Variants in PRKCA observed in about 807,000 individuals in gnomAD.
The protein encoded by PRKCA is protein kinase C alpha.
PRKCA carries 27 observed loss-of-function variants against 87.0 expected under a neutral mutation model. The observed-to-expected ratio is 0.31, with a 90% CI of 0.23 to 0.43. PRKCA has a LOEUF of 0.43. Ranked by LOEUF, PRKCA falls within the 20% of genes least tolerant of loss-of-function variation. PRKCA has a pLI of 1.00. For missense variants in PRKCA, 518 were observed against 852.3 expected (o/e 0.61, Z 4.88); for synonymous variants, 329 against 311.1 (o/e 1.06, Z -0.61).
intron 3 of PRKCA, among the ~76,000 whole-genome samples, chr17:66,626,522 C>T (rs999301587): frequency 1.5e-4 from 21 of 142,040 alleles, no homozygotes; most frequent in African/African-American, 4.1e-4. Flanking sequence ...CCACCAAGCC[C>T]GGCTAATTTT....
chr17:66,337,356 A>C (rs1370098773), intron 2 of PRKCA, among the ~76,000 whole-genome samples: 1 of 152,128 alleles, frequency 6.6e-6, no homozygotes, highest in Admixed American at 6.5e-5. Flanking sequence ...CAAGCAAGGA[A>C]ATCAAGTTTC....
At chr17:66,770,903 A>G (rs1308561303) in intron 13 of PRKCA, among the ~76,000 whole-genome samples, 1 of 152,172 alleles carries the variant, frequency 6.6e-6, no homozygotes, top group African/African-American at 2.4e-5. Context: ...TGGGAAGATA[A>G]CTGGGATAAT....
At chr17:66,751,322 G>T (rs545629829) in intron 13 of PRKCA, among the ~76,000 whole-genome samples, 39 of 152,308 alleles carry the variant, frequency 2.6e-4, no homozygotes, top group African/African-American at 8.4e-4. Flanking sequence ...AGAGGAGACG[G>T]GACCTGCTCA....
At chr17:66,781,884 TATA>T (rs1272177094) in intron 14 of PRKCA, among the ~76,000 whole-genome samples, 91 of 113,202 alleles carry the variant, frequency 8.0e-4, no homozygotes, top group Admixed American at 4.0e-3. Context: ...TATATATATA[TATA>T]GTGTGTGTGT....
At chr17:66,411,331 G>T (rs1441349296) in intron 2 of PRKCA, among the ~76,000 whole-genome samples, 2 of 151,716 alleles carry the variant, frequency 1.3e-5, no homozygotes, top group Non-Finnish European at 2.9e-5. Context: ...CAAAGTGCTG[G>T]GATTACAGGC....
intron 2 of PRKCA, among the ~76,000 whole-genome samples, chr17:66,459,538 C>T (rs1357210069): frequency 6.6e-6 from 1 of 152,174 alleles, no homozygotes; most frequent in Non-Finnish European, 1.5e-5. Context: ...TTTCTATTTT[C>T]TGGAAAATTC....
rs1177259833 is a variant in PRKCA at position 66,741,642 on chromosome 17, C to T, written c.1323-17C>T. ...AAGGAAGCAAGTGAGAAACCTGAAG[C>T]CCGTTTTCTTTTGCAGATTCTATGC... On this transcript the variant is annotated splice_polypyrimidine_tract_variant and intron_variant, in intron 11 of 16. Coordinates refer to ENST00000413366, the MANE Select transcript of PRKCA (RefSeq NM_002737.3). 1.2e-6 allele frequency: 2 copies of T among 1,613,678 alleles called. No homozygotes were observed. The highest frequency in any genetic ancestry group is 1.1e-5 in the South Asian group (1 of 91,046).
At chr17:66,510,948 T>C (rs1917199430) in intron 3 of PRKCA, among the ~76,000 whole-genome samples, 1 of 152,110 alleles carries the variant, frequency 6.6e-6, no homozygotes, top group Non-Finnish European at 1.5e-5. Flanking sequence ...GATTTTGCCT[T>C]GTTGCCCAGG....
chr17:66,437,733 A>AGGG (rs1567828446), intron 2 of PRKCA, among the ~76,000 whole-genome samples: 19 of 3,774 alleles, frequency 5.0e-3, no homozygotes, highest in Non-Finnish European at 6.0e-3. Flanking sequence ...TTTTTTTTTG[A>AGGG]GCGGGGGGTG....
chr17:66,607,763 A>G (rs1371867383), intron 3 of PRKCA, among the ~76,000 whole-genome samples: 1 of 151,948 alleles, frequency 6.6e-6, no homozygotes, highest in East Asian at 1.9e-4. Flanking sequence ...TCAGATTCCA[A>G]CGTGCAGGGT....
intron 2 of PRKCA, among the ~76,000 whole-genome samples, chr17:66,354,489 G>C (rs1194088698): frequency 1.3e-5 from 2 of 152,102 alleles, no homozygotes; most frequent in African/African-American, 4.8e-5. Flanking sequence ...ATGTAAGTCT[G>C]GTCTCTGTCA....
chr17:66,445,595 T>C (rs957911900), intron 2 of PRKCA, among the ~76,000 whole-genome samples: 1 of 152,166 alleles, frequency 6.6e-6, no homozygotes, highest in Non-Finnish European at 1.5e-5. Context: ...GTGGCCTTAC[T>C]TGTGGCTAGG....
intron 2 of PRKCA, among the ~76,000 whole-genome samples, chr17:66,368,226 G>A (rs1229935852): frequency 2.0e-5 from 3 of 151,476 alleles, no homozygotes; most frequent in South Asian, 4.2e-4. Flanking sequence ...GAAAATCTAG[G>A]CTCAATTGTT....
intron 13 of PRKCA, among the ~76,000 whole-genome samples, chr17:66,754,725 AGTCGATTAGATGATGTGGGGTGGGCCAT>A (rs1470339010): frequency 3.3e-5 from 5 of 152,126 alleles, no homozygotes; most frequent in Non-Finnish European, 2.9e-5. Context: ...CGGTGGGCCA[AGTCGATTAGATGATGTGGGGTGGGCCAT>A]GTCAATATTA....
rs1568041040 is a variant in PRKCA, at chr17:66,798,480, TGGTGGTGAC to T, written c.1855-5385_1855-5377del. The stretch of plus-strand genomic sequence containing the variant: ...GTGGTGGTGGTGGTGGTGGTGGTGG[TGGTGGTGAC>T]GGTGGTGGTGGTGGTGGTGACGGTG... On this transcript the variant is annotated intron_variant, in intron 16 of 16. Transcript: ENST00000413366. Among the ~76,000 whole-genome samples, 7 of 52,124 alleles carry T rather than the reference TGGTGGTGAC, an allele frequency of 1.3e-4. 1 individual carries two copies. The highest frequency in any genetic ancestry group is 2.6e-4 in the Non-Finnish European group (7 of 27,360). The allele number at this position is 52,124 out of a possible 152,430, so 34.2% of individuals were successfully genotyped here. A position where few individuals can be genotyped will look rare whatever the true frequency, so the allele number is the denominator to read the frequency against.
intron 5 of PRKCA, among the ~76,000 whole-genome samples, chr17:66,669,665 C>T (rs1972125019): frequency 6.6e-6 from 1 of 152,048 alleles, no homozygotes; most frequent in South Asian, 2.1e-4. Context: ...TTTGGGAGGC[C>T]GAAGTTGGGC....
intron 3 of PRKCA, among the ~76,000 whole-genome samples, chr17:66,603,331 GT>G (rs1488418924): frequency 1.3e-4 from 20 of 152,290 alleles, no homozygotes; most frequent in Admixed American, 9.1e-4. Flanking sequence ...GATGCTTCAT[GT>G]GAATTGTTCC....
At chr17:66,370,629 C>T (rs937585989) in intron 2 of PRKCA, among the ~76,000 whole-genome samples, 28 of 146,134 alleles carry the variant, frequency 1.9e-4, no homozygotes, top group African/African-American at 7.2e-4. Context: ...TAGGTCACTG[C>T]AACCTGGAAC....
rs892137227 is a variant in PRKCA, at chr17:66,719,835, T to C, written c.919-12853T>C. Reference sequence around the variant, plus strand: ...CTCTTTTTTCTGATGTATCCATGCCTGTTAGATTTTCTAAAATGAGCAGGT... The same window carrying C: ...CTCTTTTTTCTGATGTATCCATGCCCGTTAGATTTTCTAAAATGAGCAGGT... On this transcript the variant is annotated intron_variant, in intron 8 of 16. Transcript: ENST00000413366. 5.9e-5 allele frequency among the ~76,000 whole-genome samples: 9 copies of C among 152,380 alleles called. No homozygotes were observed. The South Asian group carries it at 1.2e-3, about 21-fold the overall frequency.
Sources: allele counts gnomAD v4.1 joint callset (sites outside exome capture counted in the v4.1 genomes callset), GRCh38; gene constraint gnomAD v4.1.1; transcripts MANE v1.5; gene names NCBI Gene and HGNC (gene_info 2026-07-23, HGNC 2026-07-21).